Variants in ZDHHC7 observed in about 807,000 individuals in gnomAD.
ZDHHC7 encodes the protein zDHHC palmitoyltransferase 7.
ZDHHC7 carries 12 observed loss-of-function variants against 34.1 expected under a neutral mutation model. The observed-to-expected ratio is 0.35, with a 90% CI of 0.23 to 0.57. ZDHHC7 has a LOEUF of 0.57. Ranked by LOEUF, ZDHHC7 falls within the 20% of genes least tolerant of loss-of-function variation. The pLI, the probability that ZDHHC7 is intolerant of heterozygous loss-of-function variation, is 0.84. For missense variants in ZDHHC7, 388 were observed against 402.7 expected (o/e 0.96, Z 0.31); for synonymous variants, 185 against 155.4 (o/e 1.19, Z -1.42).
the ZDHHC7 span, among the ~76,000 whole-genome samples, chr16:85,026,138 A>G: frequency 1.3e-5 from 2 of 152,208 alleles, no homozygotes; most frequent in Non-Finnish European, 1.5e-5. Flanking sequence ...ACCTTTTTAC[A>G]ATTCTCCCAA....
At chr16:85,022,520 C>G in the ZDHHC7 span, among the ~76,000 whole-genome samples, 5 of 152,028 alleles carry the variant, frequency 3.3e-5, no homozygotes, top group South Asian at 1.0e-3. Flanking sequence ...AAGACTCTGT[C>G]TTAATAATAA....
At chr16:85,006,322 G>A (rs536947579) in intron 1 of ZDHHC7, among the ~76,000 whole-genome samples, 1 of 152,086 alleles carries the variant, frequency 6.6e-6, no homozygotes, top group Non-Finnish European at 1.5e-5. Context: ...CTGCATCACT[G>A]TACTCCAGCC....
chr16:84,976,267 G>T lies in ZDHHC7; in HGVS notation c.*76C>A, dbSNP rs955788466. ...TCCAGTTGCCCTGTTGGTCACAGATGAGCTGTTGATATCCTTCAGACCCCA... is the reference window on the plus strand; with the variant it reads ...TCCAGTTGCCCTGTTGGTCACAGATTAGCTGTTGATATCCTTCAGACCCCA... On this transcript the variant is annotated 3_prime_UTR_variant, in exon 8 of 8. Transcript: ENST00000313732. 3 of 1,567,796 alleles carry T rather than the reference G, an allele frequency of 1.9e-6. No individual in the cohort carries two copies. The highest frequency in any genetic ancestry group is 2.8e-5 in the African/African-American group (2 of 72,298).
intron 1 of ZDHHC7, among the ~76,000 whole-genome samples, chr16:84,996,958 G>A (rs558634000): frequency 4.0e-5 from 6 of 151,752 alleles, no homozygotes; most frequent in Admixed American, 2.6e-4. Flanking sequence ...CCCACGAGGC[G>A]GAGGTTGCAG....
intron 3 of ZDHHC7, among the ~76,000 whole-genome samples, chr16:84,985,080 C>T (rs996552563): frequency 2.2e-4 from 34 of 152,218 alleles, no homozygotes; most frequent in Admixed American, 1.7e-3. Context: ...GAATGTTTCC[C>T]ACTCATCTTC....
At chr16:85,011,902 G>C (rs2072799745), upstream of ZDHHC7, among the ~76,000 whole-genome samples, 1 of 152,192 alleles carries the variant, frequency 6.6e-6, no homozygotes, top group Non-Finnish European at 1.5e-5. Context: ...GAAAGTAAGG[G>C]AGCGGGAGTG....
intron 1 of ZDHHC7, among the ~76,000 whole-genome samples, chr16:85,004,268 G>A (rs766043501): frequency 6.6e-6 from 1 of 151,666 alleles, no homozygotes; most frequent in Admixed American, 6.6e-5. Context: ...AGTCCTATGG[G>A]GTGCACCTCT....
chr16:84,976,153 C>T lies in ZDHHC7; in HGVS notation c.*190G>A, dbSNP rs754686069. On this transcript the variant is annotated 3_prime_UTR_variant, in exon 8 of 8. Coordinates refer to ENST00000313732, the MANE Select transcript of ZDHHC7 (RefSeq NM_017740.3). Reference sequence around the variant, plus strand: ...GGCCACACACCTTTCCGTTGTTGTACAGGTGGGGACTGAGAGCCTCTTCCT... The same window carrying T: ...GGCCACACACCTTTCCGTTGTTGTATAGGTGGGGACTGAGAGCCTCTTCCT... 5.7e-6 allele frequency: 4 copies of T among 699,524 alleles called. No individual in the cohort carries two copies. Among genetic ancestry groups the T allele is most frequent in the Non-Finnish European group, 9.2e-6 (4 of 435,308 alleles). The allele number at this position is 699,524 out of a possible 1,614,324, so 43.3% of individuals were successfully genotyped here. A position where few individuals can be genotyped will look rare whatever the true frequency, so the allele number is the denominator to read the frequency against.
rs544028170 is a variant in ZDHHC7, at chr16:84,997,573, T to C, written c.-103-1566A>G. Reference sequence around the variant, plus strand: ...GGTGTGAGACAGCGCACCCGGCCTCTAAATATTCTTAAACAGAATTGGACA... The same window carrying C: ...GGTGTGAGACAGCGCACCCGGCCTCCAAATATTCTTAAACAGAATTGGACA... On this transcript the variant is annotated intron_variant, in intron 1 of 7. Coordinates refer to ENST00000313732, the MANE Select transcript of ZDHHC7 (RefSeq NM_017740.3). 2.7e-5 allele frequency among the ~76,000 whole-genome samples: 4 copies of C among 150,662 alleles called. No homozygotes were observed. In the East Asian group the frequency reaches 8.1e-4, roughly 30 times the overall value.
chr16:84,982,165 G>A, intron 3 of ZDHHC7, 171 bp from the exon 4 acceptor site: 2 of 691,716 alleles, frequency 2.9e-6, no homozygotes, highest in East Asian at 3.5e-5. Context: ...TCAACATGGT[G>A]AAACCCCGTC....
upstream of ZDHHC7, among the ~76,000 whole-genome samples, chr16:85,012,686 C>G (rs973901598): frequency 4.6e-5 from 7 of 152,232 alleles, no homozygotes; most frequent in African/African-American, 1.7e-4. Context: ...AGGCAGATCA[C>G]CTGAGGTCAG....
chr16:84,978,359 G>GA (rs796677505), intron 5 of ZDHHC7, among the ~76,000 whole-genome samples: 16 of 152,094 alleles, frequency 1.1e-4, no homozygotes, highest in African/African-American at 3.6e-4. Context: ...TCTTGTCAGA[G>GA]AAAAAAATGA....
chr16:85,013,977 T>G (rs1488707360), upstream of ZDHHC7, among the ~76,000 whole-genome samples: 1 of 152,152 alleles, frequency 6.6e-6, no homozygotes, highest in African/African-American at 2.4e-5. Context: ...TGTGAGCCAC[T>G]GCACTCAGCC....
the ZDHHC7 span, among the ~76,000 whole-genome samples, chr16:85,024,055 T>C: frequency 2.6e-5 from 4 of 151,826 alleles, no homozygotes; most frequent in Admixed American, 6.6e-5. Flanking sequence ...GTAGCTGAGA[T>C]TTCAGGCATG....
At chr16:85,011,625 C>G (rs1392847296), upstream of ZDHHC7, 1 of 152,212 alleles carries the variant, frequency 6.6e-6, no homozygotes, top group Non-Finnish European at 1.5e-5. Context: ...TTGAGGGGAC[C>G]CGGAGGCTCT....
In ZDHHC7 at chr16:84,990,463, G is replaced by A. The variant is rs2072494604; in HGVS notation, c.156C>T (p.Val52=). 1 of 1,614,040 alleles carries A rather than the reference G, an allele frequency of 6.2e-7. No homozygotes were observed. Among genetic ancestry groups the A allele is most frequent in the Admixed American group, 1.7e-5 (1 of 59,986 alleles). Residue 52 remains valine (V), a synonymous_variant, in exon 3 of 8, where the codon GTC becomes GTT. Transcript: ENST00000313732. Reference sequence around the variant, plus strand: ...CATAGGCGACCAGAAGCCACGTCATGACAGCACAGATCATGCCGCAGCCGT... The same window carrying A: ...CATAGGCGACCAGAAGCCACGTCATAACAGCACAGATCATGCCGCAGCCGT... ...IRDGCGMICA[V]MTWLLVAYAD...
At chr16:84,983,583 T>C (rs1469989466) in intron 3 of ZDHHC7, among the ~76,000 whole-genome samples, 1 of 152,154 alleles carries the variant, frequency 6.6e-6, no homozygotes, top group Non-Finnish European at 1.5e-5. Flanking sequence ...GCCCCGTCAG[T>C]CCCATGGCCG....
At chr16:85,024,830 T>C in the ZDHHC7 span, among the ~76,000 whole-genome samples, 1 of 152,218 alleles carries the variant, frequency 6.6e-6, no homozygotes, top group Non-Finnish European at 1.5e-5. Context: ...AGAGATTGGT[T>C]CCAGGGGATG....
At position 84,990,340 on chromosome 16, in the gene ZDHHC7, G is replaced by A. The variant is rs748626666; in HGVS notation, c.279C>T (p.Ala93=). The A allele has an allele frequency of 6.2e-7, 1 of 1,614,076 alleles. No homozygotes were observed. Among genetic ancestry groups the A allele is most frequent in the Non-Finnish European group, 8.5e-7 (1 of 1,180,018 alleles). ...GVIFNCLAVL[A]LSSHLRTMLT... ...GCATGGTTCTCAGGTGGGATGACAG[G>A]GCAAGCACGGCCAAGCAGTTAAAGA... Residue 93 remains alanine (A), a synonymous_variant, in exon 3 of 8, where the codon GCC becomes GCT. Transcript: ENST00000313732.
Sources: gnomAD v4.1 joint callset for allele counts (sites outside exome capture counted in the v4.1 genomes callset) on GRCh38, gnomAD v4.1.1 for gene constraint, MANE v1.5 for transcripts, NCBI Gene and HGNC (gene_info 2026-07-23, HGNC 2026-07-21) for gene names.